The following ZNF804A variants were observed in gnomAD, a reference collection of about 807,000 sequenced individuals.
ZNF804A encodes the protein zinc finger protein 804A.
Under a neutral mutation model 16.5 loss-of-function variants are expected in ZNF804A, and 2 were observed. That is an observed-to-expected ratio of 0.12 (90% CI 0.05 to 0.38). The LOEUF (loss-of-function observed/expected upper bound fraction) is 0.38. Ranked by LOEUF, ZNF804A falls within the 10% of genes least tolerant of loss-of-function variation. The pLI is 0.99. For synonymous variants in ZNF804A, 534 were observed against 489.6 expected (o/e 1.09, Z -1.20); for missense variants, 1,473 against 1,390.7 (o/e 1.06, Z -0.94).
intron 2 of ZNF804A, among the ~76,000 whole-genome samples, chr2:184,871,302 T>G (rs1463182395): frequency 6.6e-6 from 1 of 151,660 alleles, no homozygotes; most frequent in Non-Finnish European, 1.5e-5. Flanking sequence ...CACTGTGAGC[T>G]TTGTAACCTG....
At chr2:184,697,147 C>G (rs1270463080) in intron 1 of ZNF804A, among the ~76,000 whole-genome samples, 1 of 151,894 alleles carries the variant, frequency 6.6e-6, no homozygotes, top group African/African-American at 2.4e-5. Flanking sequence ...TAAATCCCAA[C>G]AGTTTAAAGA....
chr2:184,691,341 A>G (rs1692721239), intron 1 of ZNF804A, among the ~76,000 whole-genome samples: 1 of 152,018 alleles, frequency 6.6e-6, no homozygotes, highest in Non-Finnish European at 1.5e-5. Context: ...CAATTCTAGA[A>G]TAAGTTGATG....
intron 1 of ZNF804A, among the ~76,000 whole-genome samples, chr2:184,787,876 T>A (rs1694472968): frequency 6.6e-6 from 1 of 151,984 alleles, no homozygotes; most frequent in African/African-American, 2.4e-5. Flanking sequence ...TTGTTTTTGT[T>A]ACATTTGCTT....
At chr2:184,627,593 T>A (rs1691526214) in intron 1 of ZNF804A, among the ~76,000 whole-genome samples, 1 of 152,226 alleles carries the variant, frequency 6.6e-6, no homozygotes, top group African/African-American at 2.4e-5. Context: ...AGCTTGACAT[T>A]TGTTGAATAA....
intron 2 of ZNF804A, among the ~76,000 whole-genome samples, chr2:184,930,572 G>A (rs1463785859): frequency 1.3e-5 from 2 of 152,142 alleles, no homozygotes; most frequent in Non-Finnish European, 2.9e-5. Flanking sequence ...CTTAAACTAT[G>A]TCAGTGTTAT....
chr2:184,937,361 A>G lies in ZNF804A; in HGVS notation c.1965A>G (p.Leu655=). ...AAEQLLDSHQ[L]LDKRPKSESI... is the part of the protein sequence containing the mutation. ...AGCAATTATTAGACTCACATCAGTT[A>G]CTTGATAAAAGGCCCAAATCAGAAT... Residue 655 remains leucine (L), a synonymous_variant, in exon 4 of 4, where the codon TTA becomes TTG. Coordinates refer to ENST00000302277, the MANE Select transcript of ZNF804A (RefSeq NM_194250.2). 1 of 1,613,686 alleles carries G rather than the reference A, an allele frequency of 6.2e-7. No homozygotes were observed. The highest frequency in any genetic ancestry group is 8.5e-7 in the Non-Finnish European group (1 of 1,179,840).
intron 1 of ZNF804A, among the ~76,000 whole-genome samples, chr2:184,739,875 T>C (rs1194806324): frequency 6.6e-6 from 1 of 152,212 alleles, no homozygotes; most frequent in Non-Finnish European, 1.5e-5. Context: ...AATTGAAAAC[T>C]GACTATGATT....
At chr2:184,908,959 G>C (rs1685319503) in intron 2 of ZNF804A, among the ~76,000 whole-genome samples, 1 of 152,086 alleles carries the variant, frequency 6.6e-6, no homozygotes, top group Non-Finnish European at 1.5e-5. Context: ...CTTTAAGCAA[G>C]TTAACAGCTA....
rs138886416 is a variant in ZNF804A, at chr2:184,742,808, ATATATATAAC to A, written c.112-123555_112-123546del. ...TATGTATATAACTATATGTGTGTGTATATATATAACTATATTATATAGCTTCCAACTTCTA... is the reference window on the plus strand; with the variant it reads ...TATGTATATAACTATATGTGTGTGTATATATTATATAGCTTCCAACTTCTA... On this transcript the variant is annotated intron_variant, in intron 1 of 3. Transcript: ENST00000302277. 8.4e-3 allele frequency among the ~76,000 whole-genome samples: 1,280 copies of A among 151,870 alleles called. 7 individuals are homozygous for A. Among genetic ancestry groups the A allele is most frequent in the Non-Finnish European group, 0.012 (810 of 67,848 alleles).
At chr2:184,720,959 A>C (rs757816712) in intron 1 of ZNF804A, among the ~76,000 whole-genome samples, 17 of 152,204 alleles carry the variant, frequency 1.1e-4, no homozygotes, top group Non-Finnish European at 2.2e-4. Flanking sequence ...CAGCCAACTG[A>C]ATTTTGACAA....
At chr2:184,875,658 T>G (rs1014461284) in intron 2 of ZNF804A, among the ~76,000 whole-genome samples, 4 of 151,828 alleles carry the variant, frequency 2.6e-5, no homozygotes, top group African/African-American at 9.7e-5. Flanking sequence ...ATCAGCAATA[T>G]GTACTTAATT....
At chr2:184,858,721 A>G (rs183162783) in intron 1 of ZNF804A, among the ~76,000 whole-genome samples, 23 of 152,230 alleles carry the variant, frequency 1.5e-4, no homozygotes, top group Non-Finnish European at 2.6e-4. Context: ...GCATTACATT[A>G]TTAGATTATT....
chr2:184,804,317 T>A (rs1228878725), intron 1 of ZNF804A, among the ~76,000 whole-genome samples: 1 of 152,308 alleles, frequency 6.6e-6, no homozygotes, highest in African/African-American at 2.4e-5. Flanking sequence ...TAGGCATGTC[T>A]TTTGAAGAGG....
Position 184,937,952 on chromosome 2 carries a change from CAAA to C in ZNF804A, c.2560_2562del (p.Lys854del). The C allele has an allele frequency of 2.5e-6, 4 of 1,613,604 alleles. No individual in the cohort carries two copies. The highest frequency in any genetic ancestry group is 3.4e-6 in the Non-Finnish European group (4 of 1,179,890). On this transcript the variant is annotated inframe_deletion, in exon 4 of 4. Transcript: ENST00000302277. ...CTCTGGATAGGTTAATAAGTGAAGA[CAAA>C]AAAGAGAAAATGAAACCACAAGAAG... is the stretch of plus-strand genomic sequence containing the variant.
At position 184,905,181 on chromosome 2, in the gene ZNF804A, T is replaced by C. The variant is rs549724712; in HGVS notation, c.256-28422T>C. The stretch of plus-strand genomic sequence containing the variant: ...AACTGAACACATAAAAAAAGGAGTG[T>C]AATCCTTTGTCATTAAATCCTGCTG... On this transcript the variant is annotated intron_variant, in intron 2 of 3. Coordinates refer to ENST00000302277, the MANE Select transcript of ZNF804A (RefSeq NM_194250.2). Among the ~76,000 whole-genome samples the C allele has an allele frequency of 3.0e-4, 46 of 152,156 alleles. 2 individuals carry two copies. The South Asian group carries it at 9.1e-3, about 30-fold the overall frequency.
At chr2:184,810,369 C>A (rs1219278689) in intron 1 of ZNF804A, among the ~76,000 whole-genome samples, 1 of 151,808 alleles carries the variant, frequency 6.6e-6, no homozygotes, top group Non-Finnish European at 1.5e-5. Flanking sequence ...CACCAGTGCA[C>A]ACATTTGCAT....
intron 2 of ZNF804A, among the ~76,000 whole-genome samples, chr2:184,927,350 G>GTC (rs757725391): frequency 7.8e-4 from 118 of 151,924 alleles, no homozygotes; most frequent in Admixed American, 4.6e-3. Flanking sequence ...AACAAATGGA[G>GTC]TCTCTCTCTC....
At chr2:184,813,893 TTG>T (rs1290434601) in intron 1 of ZNF804A, among the ~76,000 whole-genome samples, 2 of 151,878 alleles carry the variant, frequency 1.3e-5, no homozygotes, top group Non-Finnish European at 2.9e-5. Context: ...TCTTCTTTGA[TTG>T]TCTCCCTTCT....
rs73043261 is a variant in ZNF804A, at chr2:184,769,237, C to T, written c.112-97132C>T. 7.3e-3 allele frequency among the ~76,000 whole-genome samples: 1,112 copies of T among 152,152 alleles called. 11 individuals are homozygous for T. Among genetic ancestry groups the T allele is most frequent in the African/African-American group, 0.026 (1,067 of 41,528 alleles). Reference sequence around the variant, plus strand: ...GTCTGCTTCCTTTAAGGAAAGAACACACTGCTGTAAGTTATGAATCAGGCT... The same window carrying T: ...GTCTGCTTCCTTTAAGGAAAGAACATACTGCTGTAAGTTATGAATCAGGCT... On this transcript the variant is annotated intron_variant, in intron 1 of 3. Transcript: ENST00000302277.
Sources: gnomAD v4.1 joint callset for allele counts (sites outside exome capture counted in the v4.1 genomes callset) on GRCh38, gnomAD v4.1.1 for gene constraint, MANE v1.5 for transcripts, NCBI Gene and HGNC (gene_info 2026-07-23, HGNC 2026-07-21) for gene names.